The following STARD7 variants were observed in gnomAD, a reference collection of about 807,000 sequenced individuals.
The protein encoded by STARD7 is stAR-related lipid transfer protein 7, mitochondrial.
In STARD7, 30 loss-of-function variants were observed where a neutral mutation model predicts 45.3. The observed-to-expected ratio is 0.66, with a 90% CI of 0.50 to 0.90. The LOEUF (loss-of-function observed/expected upper bound fraction) is 0.90. Ranked by LOEUF, STARD7 falls within the 40% of genes least tolerant of loss-of-function variation. The pLI is 0.00. For missense variants in STARD7, 495 were observed against 491.3 expected (o/e 1.01, Z -0.07); for synonymous variants, 199 against 183.0 (o/e 1.09, Z -0.70).
At chr2:96,194,864 A>C in intron 3 of STARD7, 94 bp downstream of exon 3, 1 of 1,033,380 alleles carries the variant, frequency 9.7e-7, no homozygotes, top group Non-Finnish European at 1.5e-6. Flanking sequence ...GATGTACTTA[A>C]GCCAATGTCA....
rs928668250 is a variant in STARD7 at position 96,208,598 on chromosome 2, G to C, written c.-164C>G. 1.4e-5 allele frequency: 8 copies of C among 559,016 alleles called. No homozygotes were observed. The highest frequency in any genetic ancestry group is 4.3e-5 in the Admixed American group (1 of 23,154). 34.6% of individuals were successfully genotyped at this position (559,016 alleles called of 1,614,324 possible). Reference sequence around the variant, plus strand: ...CATCTGTCTCTGCAGCCACCGCTGAGGAAGAGTCTCCTCTGAGGGGAGAGT... The same window carrying C: ...CATCTGTCTCTGCAGCCACCGCTGACGAAGAGTCTCCTCTGAGGGGAGAGT... On this transcript the variant is annotated 5_prime_UTR_variant, in exon 1 of 8. Coordinates refer to ENST00000337288, the MANE Select transcript of STARD7 (RefSeq NM_020151.4).
In STARD7 at chr2:96,189,224, C is replaced by A. The variant is rs1213386091; in HGVS notation, c.844-1923G>T. On this transcript the variant is annotated intron_variant, in intron 6 of 7. Transcript: ENST00000337288. ...TCAGCCTCCCAAAGTGCTGCGATTACAGGCATGAGCTACCGTGCTCAGCCA... is the reference window on the plus strand; with the variant it reads ...TCAGCCTCCCAAAGTGCTGCGATTAAAGGCATGAGCTACCGTGCTCAGCCA... 1.3e-5 allele frequency among the ~76,000 whole-genome samples: 2 copies of A among 152,146 alleles called. 1 individual carries two copies. Among genetic ancestry groups the A allele is most frequent in the Non-Finnish European group, 2.9e-5 (2 of 68,018 alleles).
rs556288835 is a variant in STARD7, at chr2:96,195,049, A to G, written c.500-42T>C. On this transcript the variant is annotated intron_variant, in intron 2 of 7. Transcript: ENST00000337288. ...GAATAAGGGATGCTGGCCATACTCC[A>G]GTCACTCGCCTTGTTTCTTTCACCT... is the stretch of plus-strand genomic sequence containing the variant. 18 of 1,543,628 alleles carry G rather than the reference A, an allele frequency of 1.2e-5. No homozygotes were observed. In the East Asian group the frequency reaches 3.2e-4, roughly 28 times the overall value.
Position 96,203,500 on chromosome 2 carries a change from C to T in STARD7, c.290+4645G>A, listed in dbSNP as rs929549146. Among the ~76,000 whole-genome samples, 13 of 152,174 alleles carry T rather than the reference C, an allele frequency of 8.5e-5. 1 individual carries two copies. The highest frequency in any genetic ancestry group is 3.1e-4 in the African/African-American group (13 of 41,448). ...ACATTTGGTTCATCTAGGGGTCCTG[C>T]CCTCAGCATGGAGCTTGGTGTAAGG... On this transcript the variant is annotated intron_variant, in intron 1 of 7. Transcript: ENST00000337288.
chr2:96,187,471 A>C, intron 6 of STARD7, 170 bp from the exon 7 acceptor site: 1 of 546,014 alleles, frequency 1.8e-6, no homozygotes, highest in Non-Finnish European at 3.3e-6. Context: ...TACTATCTAT[A>C]GAAAGGTCTC....
chr2:96,194,324 G>T (rs1412812873), intron 3 of STARD7, among the ~76,000 whole-genome samples: 1 of 151,808 alleles, frequency 6.6e-6, no homozygotes, highest in Non-Finnish European at 1.5e-5. Flanking sequence ...CTGTACTCCA[G>T]CCTGGGTAAC....
rs775017618 is a variant in STARD7 at position 96,208,445 on chromosome 2, G to T, written c.-11C>A. On this transcript the variant is annotated 5_prime_UTR_variant, in exon 1 of 8. Transcript: ENST00000337288. ...CCTCCGCGGGAGCATGCCGCCTCCC[G>T]CAGGGCCCGCCGCGAGCTTCCGGGG... The T allele has an allele frequency of 5.9e-6, 8 of 1,360,644 alleles. No individual in the cohort carries two copies. Among genetic ancestry groups the T allele is most frequent in the Admixed American group, 4.1e-5 (1 of 24,418 alleles). 84.3% of individuals were successfully genotyped at this position (1,360,644 alleles called of 1,614,324 possible).
At chr2:96,196,925 G>A (rs1207392798) in intron 1 of STARD7, among the ~76,000 whole-genome samples, 1 of 151,658 alleles carries the variant, frequency 6.6e-6, no homozygotes, top group Middle Eastern at 3.2e-3. Flanking sequence ...AATTAGCTGG[G>A]CACGGTGGCA....
At chr2:96,197,101 T>TCGC (rs1683230563) in intron 1 of STARD7, among the ~76,000 whole-genome samples, 1 of 139,978 alleles carries the variant, frequency 7.1e-6, no homozygotes, top group Admixed American at 7.3e-5. Context: ...TAAAATAAAA[T>TCGC]AAAATAAAAT....
At chr2:96,203,751 T>A (rs575284144) in intron 1 of STARD7, among the ~76,000 whole-genome samples, 27 of 151,994 alleles carry the variant, frequency 1.8e-4, no homozygotes, top group Non-Finnish European at 3.4e-4. Context: ...TCACTTGAGA[T>A]CAGGAGTTGG....
intron 1 of STARD7, among the ~76,000 whole-genome samples, chr2:96,200,383 T>A (rs1683286543): frequency 6.6e-6 from 1 of 152,132 alleles, no homozygotes; most frequent in African/African-American, 2.4e-5. Context: ...GCAAAAAGTT[T>A]TAAAACATGA....
intron 2 of STARD7, 67 bp downstream of exon 2, chr2:96,195,274 A>G (rs1683184040): frequency 7.4e-7 from 1 of 1,355,238 alleles, no homozygotes; most frequent in African/African-American, 1.4e-5. Context: ...TTAGAGAAGT[A>G]TGAAGAACAG....
At position 96,193,247 on chromosome 2, in the gene STARD7, A is replaced by T; in HGVS notation, c.655T>A (p.Phe219Ile). The change falls in exon 4 of 8, where the codon TTT (phenylalanine) becomes ATT (isoleucine). Residue 219 changes from phenylalanine (F) to isoleucine (I), a missense_variant. Around this residue, in one of 2 missense-constraint regions of STARD7, gnomAD observed 213 missense variants for 271.2 expected, o/e 0.79. Transcript: ENST00000337288. ...TCAGAAGTAAAAATACTCACAGGAA[A>T]ATGGGTTACCCAGTGAAGAACCTCG... ...GSEVLHWVTH[F>I]PYPMYSRDYV... 6.2e-7 allele frequency: 1 copy of T among 1,612,652 alleles called. No individual in the cohort carries two copies. Among genetic ancestry groups the T allele is most frequent in the Non-Finnish European group, 8.5e-7 (1 of 1,178,632 alleles).
intron 1 of STARD7, among the ~76,000 whole-genome samples, chr2:96,204,320 C>A (rs936222827): frequency 6.6e-6 from 1 of 150,492 alleles, no homozygotes; most frequent in African/African-American, 2.5e-5. Context: ...TTTGGGAGGC[C>A]GAGACAGGCG....
Position 96,195,094 on chromosome 2 carries a change from A to G in STARD7, c.500-87T>C. ...TCACCTAGCGGCGTTTCAGATCTAA[A>G]GTACTAAGAGATCTTAAAGGCAGGT... On this transcript the variant is annotated intron_variant, in intron 2 of 7. Coordinates refer to ENST00000337288, the MANE Select transcript of STARD7 (RefSeq NM_020151.4). 12 of 1,185,082 alleles carry G rather than the reference A, an allele frequency of 1.0e-5. No homozygotes were observed. The Admixed American group carries it at 2.7e-4, about 27-fold the overall frequency. The allele number at this position is 1,185,082 out of a possible 1,614,324, so 73.4% of individuals were successfully genotyped here. A position where few individuals can be genotyped will look rare whatever the true frequency, so the allele number is the denominator to read the frequency against.
At position 96,195,511 on chromosome 2, in the gene STARD7, T is replaced by C. The variant is rs1683189197; in HGVS notation, c.329A>G (p.Asn110Ser). ...NEMKRLEEMS[N>S]MFQSSGVQHH... is the part of the protein sequence containing the mutation. ...CTGGACTCCAGAGCTCTGAAACATA[T>C]TTGACATTTCTTCCAACCGCTTCAT... Residue 110 changes from asparagine (N) to serine (S), a missense_variant, in exon 2 of 8, where the codon AAT becomes AGT. Transcript: ENST00000337288. 3 of 1,613,684 alleles carry C rather than the reference T, an allele frequency of 1.9e-6. No individual in the cohort carries two copies. Among genetic ancestry groups the C allele is most frequent in the African/African-American group, 2.7e-5 (2 of 74,904 alleles).
At position 96,187,510 on chromosome 2, in the gene STARD7, G is replaced by T; in HGVS notation, c.844-209C>A. ...GCAATGTTGACCCTTGGCCAACTTCGCTCCCAGTCAACAGTTAGCTGATAT... is the reference window on the plus strand; with the variant it reads ...GCAATGTTGACCCTTGGCCAACTTCTCTCCCAGTCAACAGTTAGCTGATAT... On this transcript the variant is annotated intron_variant, in intron 6 of 7. Coordinates refer to ENST00000337288, the MANE Select transcript of STARD7 (RefSeq NM_020151.4). 6.1e-6 allele frequency: 3 copies of T among 491,484 alleles called. No homozygotes were observed. The South Asian group carries it at 7.0e-5, about 11-fold the overall frequency. 30.4% of individuals were successfully genotyped at this position (491,484 alleles called of 1,614,324 possible).
Position 96,193,178 on chromosome 2 carries a change from C to T in STARD7, c.661-18G>A, listed in dbSNP as rs751365389. The T allele has an allele frequency of 1.2e-6, 2 of 1,602,338 alleles. No homozygotes were observed. Among genetic ancestry groups the T allele is most frequent in the African/African-American group, 2.7e-5 (2 of 74,846 alleles). ...ATTGGATACTAAAGAAATGGAGGAG[C>T]AGGATTAGTGTTCTGCATCACACAA... On this transcript the variant is annotated intron_variant, in intron 4 of 7. Coordinates refer to ENST00000337288, the MANE Select transcript of STARD7 (RefSeq NM_020151.4).
chr2:96,192,568 A>G lies in STARD7; in HGVS notation c.744-100T>C, dbSNP rs1046022470. The G allele has an allele frequency of 3.6e-6, 3 of 844,770 alleles. No individual in the cohort carries two copies. The African/African-American group carries it at 5.1e-5, about 14-fold the overall frequency. 52.3% of individuals were successfully genotyped at this position (844,770 alleles called of 1,614,324 possible). On this transcript the variant is annotated intron_variant, in intron 5 of 7. Transcript: ENST00000337288. Reference sequence around the variant, plus strand: ...GAAGGCCTAAAAAGCTGGCTCTGATATTTTTAAATACACAAAACAAAGGAG... The same window carrying G: ...GAAGGCCTAAAAAGCTGGCTCTGATGTTTTTAAATACACAAAACAAAGGAG...
Sources: allele counts gnomAD v4.1 joint callset (sites outside exome capture counted in the v4.1 genomes callset), GRCh38; gene constraint gnomAD v4.1.1; regional missense constraint gnomAD v4.1.1; transcripts MANE v1.5; gene names NCBI Gene and HGNC (gene_info 2026-07-23, HGNC 2026-07-21).